FOXP2: variants seen among roughly 807,000 people sequenced by gnomAD.
FOXP2 encodes forkhead box P2.
In FOXP2, 12 loss-of-function variants were observed where a neutral mutation model predicts 115.8. The observed-to-expected ratio is 0.10, with a 90% CI of 0.07 to 0.17. The LOEUF is 0.17. FOXP2 is among the 10% of genes least tolerant of loss of function. The pLI, the probability that FOXP2 is intolerant of heterozygous loss-of-function variation, is 1.00. For missense variants in FOXP2, 629 were observed against 843.5 expected (o/e 0.75, Z 3.15); for synonymous variants, 328 against 297.7 (o/e 1.10, Z -1.05).
At chr7:114,456,927 G>GA (rs75649952) in intron 2 of FOXP2, among the ~76,000 whole-genome samples, 575 of 143,816 alleles carry the variant, frequency 4.0e-3, no homozygotes, top group African/African-American at 0.012. Context: ...GCCAAACAGA[G>GA]AAAAAAAAAA....
intron 2 of FOXP2, among the ~76,000 whole-genome samples, chr7:114,289,050 C>T (rs1005819655): frequency 4.0e-5 from 6 of 151,772 alleles, no homozygotes; most frequent in African/African-American, 7.2e-5. Context: ...AGATACACTT[C>T]GTAATTTCTC....
At chr7:114,275,205 A>G (rs1247074899) in intron 1 of FOXP2, among the ~76,000 whole-genome samples, 1 of 151,870 alleles carries the variant, frequency 6.6e-6, no homozygotes, top group Admixed American at 6.6e-5. Flanking sequence ...GTGTTTGACA[A>G]TATTTTGGCG....
chr7:114,491,426 A>G (rs1245048810), intron 2 of FOXP2, among the ~76,000 whole-genome samples: 3 of 151,832 alleles, frequency 2.0e-5, no homozygotes, highest in Admixed American at 6.6e-5. Context: ...AGATGAGTAG[A>G]TTGCAAAAAT....
At chr7:114,335,804 A>G (rs927963644) in intron 2 of FOXP2, among the ~76,000 whole-genome samples, 2 of 151,742 alleles carry the variant, frequency 1.3e-5, no homozygotes, top group African/African-American at 4.8e-5. Context: ...TTCCTATATA[A>G]TAGGCATGAA....
intron 2 of FOXP2, among the ~76,000 whole-genome samples, chr7:114,447,731 A>C (rs1794899088): frequency 6.6e-6 from 1 of 152,052 alleles, no homozygotes; most frequent in Non-Finnish European, 1.5e-5. Flanking sequence ...CCTACCCCCG[A>C]CCCATACACA....
intron 1 of FOXP2, among the ~76,000 whole-genome samples, chr7:114,151,649 G>A (rs1464996151): frequency 6.6e-6 from 1 of 151,938 alleles, no homozygotes; most frequent in Admixed American, 6.6e-5. Flanking sequence ...CAAACCTTTT[G>A]CATTTATTAG....
rs762445247 is a variant in FOXP2 at position 114,628,688 on chromosome 7, T to C, written c.396+11T>C. The C allele has an allele frequency of 5.6e-6, 9 of 1,613,846 alleles. No individual in the cohort carries two copies. The highest frequency in any genetic ancestry group is 1.3e-5 in the African/African-American group (1 of 74,980). ...GTCATGCTGCAGCAGGTAATGTGGG[T>C]TACCTGCTTTGGTGTTCTAGCATGA... On this transcript the variant is annotated intron_variant, in intron 4 of 16. Transcript: ENST00000350908.
chr7:114,180,375 C>T lies in FOXP2; in HGVS notation c.-102+17287C>T, dbSNP rs1793425670. Among the ~76,000 whole-genome samples, 5 of 151,668 alleles carry T rather than the reference C, an allele frequency of 3.3e-5. No individual in the cohort carries two copies. In the South Asian group the frequency reaches 1.0e-3, roughly 32 times the overall value. The stretch of plus-strand genomic sequence containing the variant: ...TACATTTATTTTCCTGTGTTCTGTC[C>T]TTATCTTCTCACTCTGTACATTATT... On this transcript the variant is annotated intron_variant, in intron 1 of 17. Transcript: ENST00000634411.
intron 3 of FOXP2, chr7:114,614,030 A>G (rs2129319591): frequency 6.6e-6 from 1 of 152,336 alleles, no homozygotes; most frequent in Middle Eastern, 3.4e-3. Context: ...CTTAATTAAT[A>G]TGTCTGAACA....
upstream of FOXP2, among the ~76,000 whole-genome samples, chr7:114,160,022 G>A (rs953524604): frequency 6.6e-6 from 1 of 152,174 alleles, no homozygotes; most frequent in African/African-American, 2.4e-5. Context: ...TGGTCTCTGA[G>A]CATGCATTCC....
intron 2 of FOXP2, among the ~76,000 whole-genome samples, chr7:114,500,173 G>T (rs1363420747): frequency 1.4e-5 from 2 of 140,370 alleles, no homozygotes; most frequent in Non-Finnish European, 3.0e-5. Context: ...CCGAGATCAC[G>T]CAACTGCCCT....
At chr7:114,300,274 A>G (rs1423037189) in intron 2 of FOXP2, among the ~76,000 whole-genome samples, 2 of 152,130 alleles carry the variant, frequency 1.3e-5, no homozygotes. Context: ...AAGTTAGAGT[A>G]TATAAAACAA....
intron 3 of FOXP2, among the ~76,000 whole-genome samples, chr7:114,582,637 G>T (rs964457924): frequency 4.6e-5 from 7 of 152,042 alleles, no homozygotes; most frequent in African/African-American, 1.7e-4. Context: ...TAAATCTAAA[G>T]AACATAAATT....
intron 2 of FOXP2, among the ~76,000 whole-genome samples, chr7:114,367,609 A>G (rs1791911815): frequency 6.6e-6 from 1 of 152,136 alleles, no homozygotes; most frequent in Admixed American, 6.6e-5. Context: ...ATTCAGTACA[A>G]CTCTGAACTA....
chr7:114,379,947 G>A (rs1792243075), intron 2 of FOXP2, among the ~76,000 whole-genome samples: 1 of 152,140 alleles, frequency 6.6e-6, no homozygotes. Context: ...GGGGAGGGAA[G>A]TATGTCCTCA....
At chr7:114,500,442 TA>T (rs1797517978) in intron 2 of FOXP2, among the ~76,000 whole-genome samples, 1 of 152,034 alleles carries the variant, frequency 6.6e-6, no homozygotes, top group Non-Finnish European at 1.5e-5. Context: ...TATTTACTTT[TA>T]AAATATTATG....
intron 3 of FOXP2, among the ~76,000 whole-genome samples, chr7:114,580,035 C>T (rs1401849157): frequency 6.6e-6 from 1 of 152,142 alleles, no homozygotes; most frequent in African/African-American, 2.4e-5. Context: ...ATTGTATAGG[C>T]TAATGCCAGA....
At chr7:114,095,313 A>T (rs1799623059) in intron 1 of FOXP2, among the ~76,000 whole-genome samples, 1 of 152,218 alleles carries the variant, frequency 6.6e-6, no homozygotes, top group Non-Finnish European at 1.5e-5. Flanking sequence ...TTTGTATAAC[A>T]TGTTTTCTTC....
chr7:114,348,513 T>C (rs1791402274), intron 2 of FOXP2, among the ~76,000 whole-genome samples: 1 of 152,006 alleles, frequency 6.6e-6, no homozygotes, highest in African/African-American at 2.4e-5. Flanking sequence ...TATATCTTCG[T>C]TTTTCCCAAT....
Sources: allele counts gnomAD v4.1 joint callset (sites outside exome capture counted in the v4.1 genomes callset), GRCh38; gene constraint gnomAD v4.1.1; transcripts MANE v1.5; gene names NCBI Gene and HGNC (gene_info 2026-07-23, HGNC 2026-07-21).